Variants in MTBP observed in about 807,000 individuals in gnomAD.
The protein encoded by MTBP is MDM2 binding protein.
Under a neutral mutation model 117.0 loss-of-function variants are expected in MTBP, and 101 were observed. The ratio of observed to expected loss-of-function variants is 0.86; its 90% CI spans 0.73 to 1.02. MTBP has a LOEUF of 1.02. Among genes scored for constraint, MTBP ranks in the 50% least tolerant of loss-of-function variants. MTBP has a pLI of 0.00. For missense variants in MTBP, 970 were observed against 1,030.9 expected (o/e 0.94, Z 0.81); for synonymous variants, 350 against 351.5 (o/e 1.00, Z 0.05).
chr8:120,501,221 G>A (rs1364741035), intron 14 of MTBP, among the ~76,000 whole-genome samples: 12 of 148,736 alleles, frequency 8.1e-5, no homozygotes, highest in Admixed American at 6.1e-4. Flanking sequence ...AATTAGCCGG[G>A]CGTGGTGGCG....
chr8:120,451,175 G>C lies in MTBP; in HGVS notation c.278G>C (p.Cys93Ser). 8 of 1,602,262 alleles carry C rather than the reference G, an allele frequency of 5.0e-6. No individual in the cohort carries two copies. The highest frequency in any genetic ancestry group is 6.8e-6 in the Non-Finnish European group (8 of 1,172,590). Residue 93 changes from cysteine to serine, a missense_variant, in exon 4 of 22, where the codon TGT (cysteine) becomes TCT (serine). By Grantham distance (112) the Cys-to-Ser change is moderately radical. Transcript: ENST00000305949. ...VQAIYGFYQF[C>S]SSDWQEIHFD... ...TACAATCTTTTGATTTGTTAGTTTTGTAGTTCTGATTGGCAAGAGATACAT... is the reference window on the plus strand; with the variant it reads ...TACAATCTTTTGATTTGTTAGTTTTCTAGTTCTGATTGGCAAGAGATACAT...
rs116230019 is a variant in MTBP at position 120,464,159 on chromosome 8, T to C, written c.1047+398T>C. On this transcript the variant is annotated intron_variant, in intron 10 of 21. Transcript: ENST00000305949. ...GGCAGGGGATGAAAGTGGAAAAAGC[T>C]AAAGTTCTACTAAATTGTCATTTGG... Among the ~76,000 whole-genome samples, 777 of 152,166 alleles carry C rather than the reference T, an allele frequency of 5.1e-3. 7 individuals are homozygous for C. The highest frequency in any genetic ancestry group is 0.017 in the African/African-American group (691 of 41,562).
intron 6 of MTBP, 33 bp from the exon 7 acceptor site, chr8:120,456,520 C>T: frequency 7.9e-7 from 1 of 1,266,182 alleles, no homozygotes; most frequent in Non-Finnish European, 1.1e-6. Flanking sequence ...ATATAAAACC[C>T]TGTGTTTAAT....
chr8:120,469,446 C>T (rs1042547686), intron 10 of MTBP, among the ~76,000 whole-genome samples: 3 of 152,170 alleles, frequency 2.0e-5, no homozygotes, highest in African/African-American at 4.8e-5. Context: ...GGATCAGCTT[C>T]GATCATTGCT....
At chr8:120,516,436 T>C (rs1039934545) in intron 18 of MTBP, among the ~76,000 whole-genome samples, 4 of 151,970 alleles carry the variant, frequency 2.6e-5, no homozygotes, top group Admixed American at 2.6e-4. Context: ...TTTTAAGCCA[T>C]GGAACAGTGG....
chr8:120,447,254 C>G (rs749792992), intron 2 of MTBP, among the ~76,000 whole-genome samples: 38 of 151,896 alleles, frequency 2.5e-4, no homozygotes, highest in Non-Finnish European at 4.3e-4. Flanking sequence ...ACTGTACAAT[C>G]TGCACCTTTC....
chr8:120,494,211 G>A (rs184088557), intron 13 of MTBP, among the ~76,000 whole-genome samples: 1 of 152,284 alleles, frequency 6.6e-6, no homozygotes, highest in Non-Finnish European at 1.5e-5. Context: ...GTAGTGTAAT[G>A]TAATAATGCT....
rs528540406 is a variant in MTBP, at chr8:120,457,217, C to T, written c.747+547C>T. Reference sequence around the variant, plus strand: ...ATGAGAATGTTGTATTAGGTGGACTCTTCTAATCCTGAATTTCTATGAAAT... The same window carrying T: ...ATGAGAATGTTGTATTAGGTGGACTTTTCTAATCCTGAATTTCTATGAAAT... On this transcript the variant is annotated intron_variant, in intron 7 of 21. Transcript: ENST00000305949. Among the ~76,000 whole-genome samples, 23 of 152,254 alleles carry T rather than the reference C, an allele frequency of 1.5e-4. No individual in the cohort carries two copies. The South Asian group carries it at 3.1e-3, about 21-fold the overall frequency.
intron 18 of MTBP, among the ~76,000 whole-genome samples, chr8:120,516,692 G>A (rs1814926624): frequency 6.6e-6 from 1 of 152,038 alleles, no homozygotes; most frequent in South Asian, 2.1e-4. Flanking sequence ...CTAACTAAAT[G>A]AAATATCCAG....
chr8:120,457,962 A>C lies in MTBP; in HGVS notation c.748-1253A>C, dbSNP rs1177612106. On this transcript the variant is annotated intron_variant, in intron 7 of 21. Coordinates refer to ENST00000305949, the MANE Select transcript of MTBP (RefSeq NM_022045.5). ...CTCCGTCTCAAGAAAAAAAAAAAAA[A>C]CCCAAAAAAACCCCACATAGCCAAG... Among the ~76,000 whole-genome samples the C allele has an allele frequency of 4.0e-5, 6 of 151,148 alleles. No homozygotes were observed. The East Asian group carries it at 7.8e-4, about 20-fold the overall frequency.
At chr8:120,470,160 C>G (rs1813788543) in intron 10 of MTBP, among the ~76,000 whole-genome samples, 1 of 152,058 alleles carries the variant, frequency 6.6e-6, no homozygotes, top group Admixed American at 6.6e-5. Flanking sequence ...GAGAATTTAC[C>G]TAAATAGATT....
chr8:120,485,905 C>T (rs1041190394), intron 11 of MTBP, among the ~76,000 whole-genome samples: 1 of 152,174 alleles, frequency 6.6e-6, no homozygotes, highest in East Asian at 1.9e-4. Context: ...CCTGGGAATC[C>T]AGTGGTCTCA....
intron 21 of MTBP, 27 bp downstream of exon 21, chr8:120,522,746 T>C (rs1448018208): frequency 3.3e-6 from 5 of 1,536,342 alleles, no homozygotes; most frequent in Non-Finnish European, 4.4e-6. Flanking sequence ...CAAGAAACTA[T>C]ATTCAATTAA....
intron 10 of MTBP, 73 bp from the exon 11 acceptor site, chr8:120,470,747 A>G: frequency 9.1e-7 from 1 of 1,101,680 alleles, no homozygotes. Context: ...TATGAGTGGA[A>G]AATTGTCAAC....
intron 8 of MTBP, 119 bp from the exon 9 acceptor site, chr8:120,461,042 C>A: frequency 1.5e-6 from 1 of 649,982 alleles, no homozygotes; most frequent in Non-Finnish European, 2.6e-6. Flanking sequence ...GCTAGGCATG[C>A]TTAATGTGTA....
At chr8:120,456,726 A>C (rs1014963618) in intron 7 of MTBP, 56 bp downstream of exon 7, 2 of 848,734 alleles carry the variant, frequency 2.4e-6, no homozygotes, top group Non-Finnish European at 3.9e-6. Flanking sequence ...TTTACAACAC[A>C]GATATTTAAA....
intron 2 of MTBP, 70 bp downstream of exon 2, chr8:120,446,583 C>T: frequency 1.1e-6 from 1 of 948,198 alleles, no homozygotes; most frequent in South Asian, 1.3e-5. Context: ...TTAATTTGGA[C>T]CCTAAGGAGT....
intron 13 of MTBP, among the ~76,000 whole-genome samples, chr8:120,492,305 T>C (rs1814363022): frequency 6.6e-6 from 1 of 152,230 alleles, no homozygotes; most frequent in African/African-American, 2.4e-5. Context: ...AGAATGCCTG[T>C]GTCTCAAAAG....
intron 20 of MTBP, among the ~76,000 whole-genome samples, chr8:120,519,323 C>T (rs1281600441): frequency 1.3e-5 from 2 of 151,962 alleles, no homozygotes; most frequent in African/African-American, 4.8e-5. Context: ...TTTTGGTATT[C>T]TCAGTGGGAT....
Sources: allele counts gnomAD v4.1 joint callset (sites outside exome capture counted in the v4.1 genomes callset), GRCh38; gene constraint gnomAD v4.1.1; transcripts MANE v1.5; gene names NCBI Gene and HGNC (gene_info 2026-07-23, HGNC 2026-07-21).